The following PKD1 variants were observed in gnomAD, a reference collection of about 807,000 sequenced individuals.
PKD1 encodes the protein polycystin-1.
In PKD1, 81 loss-of-function variants were observed where a neutral mutation model predicts 361.7. The observed-to-expected ratio is 0.22, with a 90% CI of 0.19 to 0.27. The LOEUF (loss-of-function observed/expected upper bound fraction) is 0.27. Among genes scored for constraint, PKD1 ranks in the 10% least tolerant of loss-of-function variants. The pLI is 1.00. For synonymous variants in PKD1, 3,615 were observed against 2,818.3 expected, an observed-to-expected ratio of 1.28 and a Z score of -8.95; for missense variants, 6,399 against 6,118.3, an observed-to-expected ratio of 1.05 and a Z score of -1.53.
In PKD1 at chr16:2,121,034, A is replaced by C. The variant is rs867384122; in HGVS notation, c.216-1656T>G. Reference sequence around the variant, plus strand: ...CCATCTCAAAAGAAAAAAAAAAGAAAAGAAAAGAAAGAAAGGGAGGAGAGA... The same window carrying C: ...CCATCTCAAAAGAAAAAAAAAAGAACAGAAAAGAAAGAAAGGGAGGAGAGA... On this transcript the variant is annotated intron_variant, in intron 1 of 45. Coordinates refer to ENST00000262304, the MANE Select transcript of PKD1 (RefSeq NM_001009944.3). Among the ~76,000 whole-genome samples, 14 of 152,108 alleles carry C rather than the reference A, an allele frequency of 9.2e-5. No individual in the cohort carries two copies. In the South Asian group the frequency reaches 2.5e-3, roughly 27 times the overall value.
chr16:2,121,188 A>G (rs1168030816), intron 1 of PKD1, among the ~76,000 whole-genome samples: 1 of 151,748 alleles, frequency 6.6e-6, no homozygotes, highest in Non-Finnish European at 1.5e-5. Flanking sequence ...CAACACGGAG[A>G]CACCCTGTCT....
At position 2,099,545 on chromosome 16, in the gene PKD1, T is replaced by C. The variant is rs968381420; in HGVS notation, c.10050+99A>G. 19 of 1,168,358 alleles carry C rather than the reference T, an allele frequency of 1.6e-5. 1 individual carries two copies. The highest frequency in any genetic ancestry group is 2.3e-5 in the Non-Finnish European group (19 of 813,250). 72.4% of individuals were successfully genotyped at this position (1,168,358 alleles called of 1,614,324 possible). A position where few individuals can be genotyped will look rare whatever the true frequency, so the allele number is the denominator to read the frequency against. ...TCCCGAGCAGCCTTTGGTGGACGCC[T>C]TTCCCTCTGGCTGCAGCACTGGAAA... On this transcript the variant is annotated intron_variant, in intron 30 of 45. Transcript: ENST00000262304.
intron 1 of PKD1, among the ~76,000 whole-genome samples, chr16:2,122,255 G>A (rs2092733068): frequency 6.6e-6 from 1 of 152,240 alleles, no homozygotes; most frequent in Admixed American, 6.5e-5. Context: ...GGAGCTTCTC[G>A]TTCCATCTGC....
At chr16:2,125,676 G>T in intron 1 of PKD1, among the ~76,000 whole-genome samples, 1 of 150,610 alleles carries the variant, frequency 6.6e-6, no homozygotes, top group Non-Finnish European at 1.5e-5. Context: ...CACCTGTGGG[G>T]TGTAGGAAGG....
rs1294705104 is a variant in PKD1 at position 2,109,967 on chromosome 16, T to C, written c.5200A>G (p.Thr1734Ala). The change falls in exon 15 of 46, where the codon ACA becomes GCA. Residue 1734 changes from threonine to alanine, a missense_variant. Thr to Ala is a moderately conservative substitution (Grantham distance 58). Transcript: ENST00000262304. Reference protein sequence around the residue: ...AASPNPAAVNTSVTLSAELAG... With the variant: ...AASPNPAAVNASVTLSAELAG... Reference sequence around the variant, plus strand: ...AGCTCGGCACTGAGGGTGACGCTTGTGTTGACGGCAGCTGGGTTCGGGGAG... The same window carrying C: ...AGCTCGGCACTGAGGGTGACGCTTGCGTTGACGGCAGCTGGGTTCGGGGAG... 1.2e-6 allele frequency: 2 copies of C among 1,610,130 alleles called. No individual in the cohort carries two copies. The highest frequency in any genetic ancestry group is 4.5e-5 in the East Asian group (2 of 44,866).
Position 2,110,847 on chromosome 16 carries a change from G to A in PKD1, c.4320C>T (p.Ser1440=), listed in dbSNP as rs775681034. Residue 1440 remains serine (S), a synonymous_variant, in exon 15 of 46, where the codon TCC becomes TCT. Coordinates refer to ENST00000262304, the MANE Select transcript of PKD1 (RefSeq NM_001009944.3). ...EVTFIYRDPG[S]YLVTVTASNN... Reference sequence around the variant, plus strand: ...TGGACGCGGTGACTGTCACAAGATAGGAGCCTGGGTCTCGGTAGATGAACG... The same window carrying A: ...TGGACGCGGTGACTGTCACAAGATAAGAGCCTGGGTCTCGGTAGATGAACG... The A allele has an allele frequency of 1.9e-6, 3 of 1,611,796 alleles. No homozygotes were observed. Among genetic ancestry groups the A allele is most frequent in the African/African-American group, 1.3e-5 (1 of 74,918 alleles).
Position 2,120,251 on chromosome 16 carries a change from T to C in PKD1, c.216-873A>G, listed in dbSNP as rs556990749. ...ACATACATAATTAATAAATAAAACATCAAAGACCAGCCGACCTAACTCCAT... is the reference window on the plus strand; with the variant it reads ...ACATACATAATTAATAAATAAAACACCAAAGACCAGCCGACCTAACTCCAT... On this transcript the variant is annotated intron_variant, in intron 1 of 45. Transcript: ENST00000262304. 197 of 196,186 alleles carry C rather than the reference T, an allele frequency of 1.0e-3. 1 individual carries two copies. Among genetic ancestry groups the C allele is most frequent in the African/African-American group, 4.0e-3 (171 of 42,888 alleles). The allele number at this position is 196,186 out of a possible 1,614,324, so 12.2% of individuals were successfully genotyped here. A position where few individuals can be genotyped will look rare whatever the true frequency, so the allele number is the denominator to read the frequency against.
At position 2,110,810 on chromosome 16, in the gene PKD1, C is replaced by T; in HGVS notation, c.4357G>A (p.Ala1453Thr). The T allele has an allele frequency of 6.2e-7, 1 of 1,611,528 alleles. No homozygotes were observed. The highest frequency in any genetic ancestry group is 8.5e-7 in the Non-Finnish European group (1 of 1,179,838). Residue 1453 changes from alanine (A) to threonine (T), a missense_variant, in exon 15 of 46, where the codon GCT becomes ACT. Ala to Thr is a moderately conservative substitution (Grantham distance 58, BLOSUM62 0). Coordinates refer to ENST00000262304, the MANE Select transcript of PKD1 (RefSeq NM_001009944.3). The part of the protein sequence containing the change: ...VTVTASNNIS[A>T]ANDSALVEVQ... Reference sequence around the variant, plus strand: ...TCCACCAGGGCTGAGTCATTGGCAGCAGAGATGTTGTTGGACGCGGTGACT... The same window carrying T: ...TCCACCAGGGCTGAGTCATTGGCAGTAGAGATGTTGTTGGACGCGGTGACT...
At chr16:2,113,755 G>A (rs533318981) in intron 11 of PKD1, 16 of 370,546 alleles carry the variant, frequency 4.3e-5, no homozygotes, top group African/African-American at 3.3e-4. Flanking sequence ...GCAAGATGGA[G>A]ACAGCCCTGT....
chr16:2,112,881 T>A lies in PKD1; in HGVS notation c.3068A>T (p.Gln1023Leu), dbSNP rs2369069. The A allele has an allele frequency of 2.6e-5, 41 of 1,607,004 alleles. No individual in the cohort carries two copies. Among genetic ancestry groups the A allele is most frequent in the Non-Finnish European group, 3.3e-5 (39 of 1,179,708 alleles). Residue 1023 changes from glutamine to leucine, a missense_variant, in exon 13 of 46, where the codon CAG becomes CTG. By Grantham distance (113) the Gln-to-Leu change is moderately radical. Transcript: ENST00000262304. ...VERMNRMQGL[Q>L]VSTVPAVLSP... ...CAGCACGGCCGGCACTGTGGAGACC[T>A]GCAGACCCTGCATCCTGTTCATCCG...
At chr16:2,126,120 G>A (rs771688355) in intron 1 of PKD1, among the ~76,000 whole-genome samples, 122 of 152,190 alleles carry the variant, frequency 8.0e-4, no homozygotes, top group Non-Finnish European at 1.5e-3. Context: ...CACCCACTCG[G>A]CTGTGGGCAC....
Position 2,116,289 on chromosome 16 carries a change from G to A in PKD1, c.1723-171C>T, listed in dbSNP as rs570478229. On this transcript the variant is annotated intron_variant, in intron 8 of 45. Transcript: ENST00000262304. The stretch of plus-strand genomic sequence containing the variant: ...GAAGACTCCGGTGGAAACTGTCCAT[G>A]GGGGGCAGGACCCCTGACCTGCCTT... 108 of 748,006 alleles carry A rather than the reference G, an allele frequency of 1.4e-4. 1 individual carries two copies. Among genetic ancestry groups the A allele is most frequent in the African/African-American group, 4.0e-4 (23 of 57,986 alleles). 46.3% of individuals were successfully genotyped at this position (748,006 alleles called of 1,614,324 possible).
chr16:2,090,709 C>T lies in PKD1; in HGVS notation c.12103G>A (p.Val4035Met), dbSNP rs1383439507. 1.2e-6 allele frequency: 2 copies of T among 1,612,412 alleles called. No homozygotes were observed. Among genetic ancestry groups the T allele is most frequent in the Non-Finnish European group, 8.5e-7 (1 of 1,179,972 alleles). The part of the protein sequence containing the change: ...ELLGVTLGLV[V>M]LGVAYAQLAI... ...AGCTGGGCGTAGGCTACCCCGAGCACCACCAGGCCCAAGGTGACCCCCAGG... is the reference window on the plus strand; with the variant it reads ...AGCTGGGCGTAGGCTACCCCGAGCATCACCAGGCCCAAGGTGACCCCCAGG... The change falls in exon 44 of 46, where the codon GTG becomes ATG. Residue 4035 changes from valine (V) to methionine (M), a missense_variant. Physicochemically the swap from Val to Met is conservative, Grantham distance 21. Coordinates refer to ENST00000262304, the MANE Select transcript of PKD1 (RefSeq NM_001009944.3).
At chr16:2,112,055 T>C (rs1023725857) in intron 14 of PKD1, among the ~76,000 whole-genome samples, 184 bp from the exon 15 acceptor site, 9 of 152,208 alleles carry the variant, frequency 5.9e-5, no homozygotes, top group Non-Finnish European at 1.2e-4. Context: ...GAGGGCTGCC[T>C]GGCGAGGACG....
intron 11 of PKD1, chr16:2,113,675 G>A (rs758210321): frequency 1.7e-4 from 65 of 387,550 alleles, no homozygotes; most frequent in East Asian, 2.9e-4. Flanking sequence ...ACAGAACCCA[G>A]GACAGGCTGC....
At position 2,106,157 on chromosome 16, in the gene PKD1, T is replaced by C. The variant is rs772999733; in HGVS notation, c.7637A>G (p.His2546Arg). ...GAVLPPGFRPHFEVGLAVVVQ... is the reference protein window; with the variant it reads ...GAVLPPGFRPRFEVGLAVVVQ... ...CACCACGGCCAGGCCCACCTCGAAG[T>C]GTGGCCTGAAACCCGGGGGCAGCAC... Residue 2546 changes from histidine to arginine, a missense_variant, in exon 19 of 46, where the codon CAC becomes CGC. By Grantham distance (29) the His-to-Arg change is conservative (BLOSUM62 0). Coordinates refer to ENST00000262304, the MANE Select transcript of PKD1 (RefSeq NM_001009944.3). The surrounding 1 kb of genome is among the most constrained non-coding windows in gnomAD (Gnocchi z 6.5). 54 of 1,608,088 alleles carry C rather than the reference T, an allele frequency of 3.4e-5. No homozygotes were observed. Among genetic ancestry groups the C allele is most frequent in the Middle Eastern group, 2.2e-4 (1 of 4,446 alleles).
rs1471571020 is a variant in PKD1, at chr16:2,108,604, T to A, written c.6563A>T (p.Glu2188Val). 1.9e-6 allele frequency: 3 copies of A among 1,558,462 alleles called. No individual in the cohort carries two copies. In the South Asian group the frequency reaches 3.5e-5, roughly 18 times the overall value. Residue 2188 changes from glutamate (E) to valine (V), a missense_variant, in exon 15 of 46, where the codon GAG becomes GTG. Transcript: ENST00000262304. ...CTGGCAGCTGGCGGTGCGATACACCTCCCAGCGGTACTCAGTCTGGTAGGT... is the reference window on the plus strand; with the variant it reads ...CTGGCAGCTGGCGGTGCGATACACCACCCAGCGGTACTCAGTCTGGTAGGT... ...CVTYQTEYRWEVYRTASCQRP... is the reference protein window; with the variant it reads ...CVTYQTEYRWVVYRTASCQRP...
Position 2,108,590 on chromosome 16 carries a change from C to A in PKD1, c.6577G>T (p.Ala2193Ser), listed in dbSNP as rs371909255. 1 of 1,557,626 alleles carries A rather than the reference C, an allele frequency of 6.4e-7. No individual in the cohort carries two copies. The highest frequency in any genetic ancestry group is 1.2e-5 in the South Asian group (1 of 85,496). Residue 2193 changes from alanine (A) to serine (S), a missense_variant, in exon 15 of 46, where the codon GCC (alanine) becomes TCC (serine). By Grantham distance (99) the Ala-to-Ser change is moderately conservative (BLOSUM62 1). Coordinates refer to ENST00000262304, the MANE Select transcript of PKD1 (RefSeq NM_001009944.3). The stretch of plus-strand genomic sequence containing the variant: ...GGGCGCCCCGGCCGCTGGCAGCTGG[C>A]GGTGCGATACACCTCCCAGCGGTAC... Reference protein sequence around the residue: ...TEYRWEVYRTASCQRPGRPAR... With the variant: ...TEYRWEVYRTSSCQRPGRPAR...
chr16:2,098,417 C>T (rs951564323), intron 30 of PKD1, among the ~76,000 whole-genome samples: 2 of 150,246 alleles, frequency 1.3e-5, no homozygotes, highest in African/African-American at 4.9e-5. Context: ...ACTGTGTTGG[C>T]CAGGCTGGTC....
Sources: gnomAD v4.1 joint callset for allele counts (sites outside exome capture counted in the v4.1 genomes callset) on GRCh38, gnomAD v4.1.1 for gene constraint, Gnocchi (gnomAD v3.1) non-coding constraint, MANE v1.5 for transcripts, NCBI Gene and HGNC (gene_info 2026-07-23, HGNC 2026-07-21) for gene names.